Variants in SLA observed in about 807,000 individuals in gnomAD.
SLA encodes src-like-adapter.
Under a neutral mutation model 30.3 loss-of-function variants are expected in SLA, and 16 were observed. The observed-to-expected ratio is 0.53, with a 90% CI of 0.36 to 0.80. SLA has a LOEUF of 0.80. Ranked by LOEUF, SLA falls within the 30% of genes least tolerant of loss-of-function variation. The pLI, the probability that SLA is intolerant of heterozygous loss-of-function variation, is 0.01. For missense variants in SLA, 310 were observed against 345.2 expected (o/e 0.90, Z 0.81); for synonymous variants, 143 against 137.8 (o/e 1.04, Z -0.26).
chr8:133,061,051 G>A (rs141911658), intron 2 of SLA, among the ~76,000 whole-genome samples: 188 of 152,276 alleles, frequency 1.2e-3, no homozygotes, highest in African/African-American at 2.2e-3. Context: ...TCACTCTGTC[G>A]CCTAGGTTGG....
chr8:133,096,495 T>A, intron 1 of SLA: 1 of 1,221,972 alleles, frequency 8.2e-7, no homozygotes, highest in South Asian at 1.3e-5. Context: ...GTGCAATGCC[T>A]ATGTGAGTTT....
At chr8:133,072,223 G>C (rs866948169) in intron 2 of SLA, among the ~76,000 whole-genome samples, 3 of 152,216 alleles carry the variant, frequency 2.0e-5, no homozygotes, top group Non-Finnish European at 4.4e-5. Context: ...GACAACAAAA[G>C]AGAACCACTG....
chr8:133,044,944 G>C (rs368065673), intron 7 of SLA, 40 bp downstream of exon 7: 7 of 1,609,726 alleles, frequency 4.3e-6, no homozygotes, highest in Non-Finnish European at 1.7e-6. Flanking sequence ...GCTAAGAGGG[G>C]TCCCACCATC....
At chr8:133,092,121 G>A (rs1361405001) in intron 1 of SLA, among the ~76,000 whole-genome samples, 1 of 152,120 alleles carries the variant, frequency 6.6e-6, no homozygotes, top group Non-Finnish European at 1.5e-5. Flanking sequence ...TTTTAAAAGA[G>A]AAAGAGAATC....
intron 1 of SLA, among the ~76,000 whole-genome samples, chr8:133,082,156 G>A (rs1462019013): frequency 1.3e-5 from 2 of 152,174 alleles, no homozygotes; most frequent in South Asian, 2.1e-4. Flanking sequence ...GGTGTTGGGT[G>A]TTGTCAGGCC....
intron 1 of SLA, among the ~76,000 whole-genome samples, chr8:133,085,492 A>G (rs568203663): frequency 3.3e-5 from 5 of 152,344 alleles, no homozygotes; most frequent in African/African-American, 7.2e-5. Context: ...CATAAAGAAC[A>G]CTTACAACTC....
chr8:133,086,047 A>T (rs988846657), intron 1 of SLA, among the ~76,000 whole-genome samples: 4 of 152,248 alleles, frequency 2.6e-5, no homozygotes, highest in Admixed American at 1.3e-4. Context: ...CAGCGAAAAG[A>T]TATACACTAC....
chr8:133,038,786 A>G (rs747110928), intron 8 of SLA, 49 bp from the exon 9 acceptor site: 2 of 1,331,974 alleles, frequency 1.5e-6, no homozygotes, highest in African/African-American at 1.4e-5. Context: ...AAAGAGAGTC[A>G]TAGAGAGAGG....
At chr8:133,092,840 A>G (rs1327329917) in intron 1 of SLA, among the ~76,000 whole-genome samples, 1 of 152,238 alleles carries the variant, frequency 6.6e-6, no homozygotes, top group East Asian at 1.9e-4. Context: ...TCCACGGTGA[A>G]AAAGGTTTCC....
intron 3 of SLA, among the ~76,000 whole-genome samples, chr8:133,056,211 A>G (rs933087659): frequency 2.0e-5 from 3 of 152,226 alleles, no homozygotes; most frequent in African/African-American, 7.2e-5. Flanking sequence ...AAGCAATGTG[A>G]CATCGTGGAT....
chr8:133,087,297 G>A (rs948722840), intron 1 of SLA, among the ~76,000 whole-genome samples: 2 of 152,150 alleles, frequency 1.3e-5, no homozygotes, highest in Non-Finnish European at 2.9e-5. Context: ...ATAAGCTAAG[G>A]TCGCACTGAT....
At chr8:133,073,225 T>C (rs1844345838) in intron 2 of SLA, 1 of 152,268 alleles carries the variant, frequency 6.6e-6, no homozygotes, top group African/African-American at 2.4e-5. Context: ...TATGTTGCCA[T>C]CTTGCTGCTC....
At chr8:133,055,361 GCGCGCACACACACACACACACACACACA>G (rs1195796776) in intron 3 of SLA, among the ~76,000 whole-genome samples, 2 of 131,656 alleles carry the variant, frequency 1.5e-5, no homozygotes, top group Non-Finnish European at 3.5e-5. Flanking sequence ...ACACACGCAC[GCGCGCACACACACACACACACACACACA>G]CACACACACA....
Position 133,074,886 on chromosome 8 carries a change from G to T in SLA, c.-74C>A. The T allele has an allele frequency of 1.0e-6, 1 of 985,544 alleles. No individual in the cohort carries two copies. 61.0% of individuals were successfully genotyped at this position (985,544 alleles called of 1,614,324 possible). The stretch of plus-strand genomic sequence containing the variant: ...ACTGGGCATGACTCCTGTGGGAGCT[G>T]TCTGCAGAGGGATTGCTGGGTGCAG... On this transcript the variant is annotated 5_prime_UTR_variant, in exon 2 of 9. Coordinates refer to ENST00000338087, the MANE Select transcript of SLA (RefSeq NM_001045556.3).
At chr8:133,087,168 TTTGA>T (rs966412651) in intron 1 of SLA, among the ~76,000 whole-genome samples, 3 of 151,950 alleles carry the variant, frequency 2.0e-5, no homozygotes, top group African/African-American at 7.3e-5. Flanking sequence ...AGTGGTTTTC[TTTGA>T]TTGGGAGGAT....
At chr8:133,038,898 G>C (rs1483301675) in intron 8 of SLA, among the ~76,000 whole-genome samples, 161 bp from the exon 9 acceptor site, 1 of 152,174 alleles carries the variant, frequency 6.6e-6, no homozygotes, top group Non-Finnish European at 1.5e-5. Context: ...TTTATTTTAA[G>C]ATGGAGTCTC....
rs1427700869 is a variant in SLA, at chr8:133,038,716, T to C, written c.639A>G (p.Gly213=). 6.2e-7 allele frequency: 1 copy of C among 1,613,726 alleles called. No individual in the cohort carries two copies. The highest frequency in any genetic ancestry group is 2.2e-5 in the East Asian group (1 of 44,874). Residue 213 remains glycine (G), a synonymous_variant, in exon 9 of 9, where the codon GGA becomes GGG. Transcript: ENST00000338087. ...CGTCTACCCCAAGCGGGTTCTCTGTTCCCTCGGGGTCCTCCTGCAGTCTGT... is the reference window on the plus strand; with the variant it reads ...CGTCTACCCCAAGCGGGTTCTCTGTCCCCTCGGGGTCCTCCTGCAGTCTGT... ...RVSRLQEDPE[G]TENPLGVDES...
At chr8:133,077,287 T>G (rs1845037333) in intron 1 of SLA, among the ~76,000 whole-genome samples, 1 of 152,130 alleles carries the variant, frequency 6.6e-6, no homozygotes, top group South Asian at 2.1e-4. Context: ...AGTGGGTTCC[T>G]GTTCAAGGGG....
rs189438551 is a variant in SLA, at chr8:133,039,189, A to C, written c.618-452T>G. Among the ~76,000 whole-genome samples the C allele has an allele frequency of 1.1e-4, 16 of 152,258 alleles. No individual in the cohort carries two copies. The Middle Eastern group carries it at 0.014, about 129-fold the overall frequency. On this transcript the variant is annotated intron_variant, in intron 8 of 8. Transcript: ENST00000338087. ...CCACCGCGCCTGGCCCTAACTTACT[A>C]TTCTAGTTATTACCCTAACCTATTA...
Sources: gnomAD v4.1 joint callset for allele counts (sites outside exome capture counted in the v4.1 genomes callset) on GRCh38, gnomAD v4.1.1 for gene constraint, MANE v1.5 for transcripts, NCBI Gene and HGNC (gene_info 2026-07-23, HGNC 2026-07-21) for gene names.